The following EFHD1 variants were observed in gnomAD, a reference collection of about 807,000 sequenced individuals.
EFHD1 encodes the protein EF-hand domain-containing protein D1.
In EFHD1, 10 loss-of-function variants were observed where a neutral mutation model predicts 17.2. The observed-to-expected ratio is 0.58, with a 90% confidence interval of 0.36 to 0.99. The LOEUF (loss-of-function observed/expected upper bound fraction) is 0.99. EFHD1 is among the 50% of genes least tolerant of loss of function. The pLI is 0.01. For synonymous variants in EFHD1, 153 were observed against 142.0 expected (o/e 1.08, Z -0.55); for missense variants, 310 against 327.5 (o/e 0.95, Z 0.41).
exon 1 of EFHD1, chr2:232,606,079 G>A: frequency 6.7e-7 from 1 of 1,483,824 alleles, no homozygotes. Flanking sequence ...CGGATACCCC[G>A]GCCTTGGCGG....
chr2:232,611,447 C>T (rs754098065), intron 1 of EFHD1: 1 of 152,152 alleles, frequency 6.6e-6, no homozygotes, highest in Non-Finnish European at 1.5e-5. Flanking sequence ...ATCGATGAGA[C>T]GTTCTATCAT....
chr2:232,609,915 A>G (rs1231849491), intron 1 of EFHD1, among the ~76,000 whole-genome samples: 2 of 152,002 alleles, frequency 1.3e-5, no homozygotes, highest in African/African-American at 4.8e-5. Flanking sequence ...AACGTGGGAG[A>G]AGCACCGTTT....
chr2:232,652,124 G>T (rs1328011658), intron 1 of EFHD1, among the ~76,000 whole-genome samples: 1 of 152,208 alleles, frequency 6.6e-6, no homozygotes, highest in Non-Finnish European at 1.5e-5. Flanking sequence ...TTCATTTGAA[G>T]GGTATGGCTG....
intron 1 of EFHD1, among the ~76,000 whole-genome samples, chr2:232,619,148 C>T (rs1693977714): frequency 6.9e-6 from 1 of 145,122 alleles, no homozygotes; most frequent in Non-Finnish European, 1.5e-5. Context: ...AGCAAAACTC[C>T]ATCTCAAAAT....
chr2:232,662,532 G>T (rs879631039), intron 1 of EFHD1, among the ~76,000 whole-genome samples: 6 of 152,106 alleles, frequency 3.9e-5, no homozygotes, highest in Non-Finnish European at 8.8e-5. Context: ...GGTAAACAAA[G>T]CATGTTTCTC....
At chr2:232,618,578 TG>T (rs980160297) in intron 1 of EFHD1, among the ~76,000 whole-genome samples, 3 of 151,484 alleles carry the variant, frequency 2.0e-5, no homozygotes, top group African/African-American at 7.3e-5. Context: ...AAAACTTAGC[TG>T]GGTGTGGTGG....
At chr2:232,678,387 A>G (rs1423048809) in intron 3 of EFHD1, among the ~76,000 whole-genome samples, 3 of 152,236 alleles carry the variant, frequency 2.0e-5, no homozygotes, top group Non-Finnish European at 4.4e-5. Flanking sequence ...GGTTATCAAG[A>G]AAAAAGTCAT....
In EFHD1 at chr2:232,675,333, C is replaced by T. The variant is rs944080075; in HGVS notation, c.585+2890C>T. Among the ~76,000 whole-genome samples, 4 of 152,280 alleles carry T rather than the reference C, an allele frequency of 2.6e-5. No homozygotes were observed. The South Asian group carries it at 8.3e-4, about 32-fold the overall frequency. ...CTTGCCACCCTTTGGCACACCATGGCACATGTGGTCTATGACTCTGAGATA... is the reference window on the plus strand; with the variant it reads ...CTTGCCACCCTTTGGCACACCATGGTACATGTGGTCTATGACTCTGAGATA... On this transcript the variant is annotated intron_variant, in intron 3 of 3. Transcript: ENST00000264059.
At chr2:232,638,620 AG>A (rs1293385441) in intron 1 of EFHD1, 2 of 362,834 alleles carry the variant, frequency 5.5e-6, no homozygotes, top group Non-Finnish European at 1.1e-5. Context: ...AAAGAGGTAA[AG>A]TGAGCCCTCT....
intron 3 of EFHD1, among the ~76,000 whole-genome samples, chr2:232,673,541 C>T (rs1350566479): frequency 6.6e-6 from 1 of 152,142 alleles, no homozygotes; most frequent in Non-Finnish European, 1.5e-5. Context: ...GCCTGAACGC[C>T]CTACCCAAAT....
In EFHD1 at chr2:232,613,702, A is replaced by G. The variant is rs577574712; in HGVS notation, c.14+7529A>G. On this transcript the variant is annotated intron_variant, in intron 1 of 3. Transcript: ENST00000409613. ...TACACACATACACAAATATACACAC[A>G]CATACACACACAAATATACACACAC... is the stretch of plus-strand genomic sequence containing the variant. Among the ~76,000 whole-genome samples, 914 of 144,814 alleles carry G rather than the reference A, an allele frequency of 6.3e-3. 10 individuals carry two copies. The highest frequency in any genetic ancestry group is 0.023 in the African/African-American group (870 of 38,390).
chr2:232,647,448 G>C (rs755507575), intron 1 of EFHD1, among the ~76,000 whole-genome samples: 1 of 152,180 alleles, frequency 6.6e-6, no homozygotes, highest in Admixed American at 6.5e-5. Context: ...CCCTCTGGCC[G>C]TTTCCTTCCC....
At position 232,633,779 on chromosome 2, in the gene EFHD1, G is replaced by A. The variant is rs1355220584; in HGVS notation, c.75G>A (p.Gln25=). ...RREEAEESGP[Q]LAPLGAPAPE... ...AGGAGGCCGAGGAGAGTGGCCCCCAGCTGGCTCCCCTCGGCGCCCCAGCCC... is the reference window on the plus strand; with the variant it reads ...AGGAGGCCGAGGAGAGTGGCCCCCAACTGGCTCCCCTCGGCGCCCCAGCCC... Residue 25 remains glutamine (Q), a synonymous_variant, in exon 1 of 4, where the codon CAG becomes CAA. Coordinates refer to ENST00000264059, the MANE Select transcript of EFHD1 (RefSeq NM_025202.4). 5 of 1,461,094 alleles carry A rather than the reference G, an allele frequency of 3.4e-6. No homozygotes were observed. The highest frequency in any genetic ancestry group is 3.0e-5 in the East Asian group (1 of 33,112). The allele number at this position is 1,461,094 out of a possible 1,614,324, so 90.5% of individuals were successfully genotyped here. A position where few individuals can be genotyped will look rare whatever the true frequency, so the allele number is the denominator to read the frequency against.
At chr2:232,630,190 T>C (rs377192611), upstream of EFHD1, among the ~76,000 whole-genome samples, 8 of 152,214 alleles carry the variant, frequency 5.3e-5, no homozygotes, top group African/African-American at 1.4e-4. Context: ...CCTCAAATGT[T>C]CCACCTGCCT....
chr2:232,642,352 C>T (rs919969824), intron 1 of EFHD1, among the ~76,000 whole-genome samples: 10 of 122,102 alleles, frequency 8.2e-5, no homozygotes, highest in Admixed American at 2.2e-4. Flanking sequence ...CCAGCCTGGG[C>T]GACAGAGTGA....
chr2:232,679,125 G>A (rs1364996198), intron 3 of EFHD1, among the ~76,000 whole-genome samples: 2 of 152,132 alleles, frequency 1.3e-5, no homozygotes, highest in Non-Finnish European at 2.9e-5. Flanking sequence ...GGCCAAATGG[G>A]AACACAAAAC....
intron 1 of EFHD1, among the ~76,000 whole-genome samples, chr2:232,622,402 G>C (rs1694032641): frequency 6.6e-6 from 1 of 150,664 alleles, no homozygotes; most frequent in Non-Finnish European, 1.5e-5. Flanking sequence ...CTGGGAGGCG[G>C]AGGTTGCAGT....
chr2:232,674,547 A>G (rs1024100592), intron 3 of EFHD1, among the ~76,000 whole-genome samples: 1 of 152,166 alleles, frequency 6.6e-6, no homozygotes, highest in Admixed American at 6.5e-5. Flanking sequence ...TATTTTTATA[A>G]CTGGAGAAAA....
intron 1 of EFHD1, among the ~76,000 whole-genome samples, chr2:232,635,827 A>G (rs796407838): frequency 1.2e-4 from 18 of 151,876 alleles, no homozygotes; most frequent in African/African-American, 4.1e-4. Context: ...TCAAGGGGAA[A>G]AAAAAAAAGC....
Sources: allele counts gnomAD v4.1 joint callset (sites outside exome capture counted in the v4.1 genomes callset), GRCh38; gene constraint gnomAD v4.1.1; transcripts MANE v1.5; gene names NCBI Gene and HGNC (gene_info 2026-07-23, HGNC 2026-07-21).